The following DLGAP2 variants were observed in gnomAD, a reference collection of about 807,000 sequenced individuals.
DLGAP2 encodes DLG associated protein 2.
DLGAP2 carries 26 observed loss-of-function variants against 100.3 expected under a neutral mutation model. The observed-to-expected ratio is 0.26, with a 90% confidence interval of 0.19 to 0.36. The LOEUF (loss-of-function observed/expected upper bound fraction) is 0.36, where lower values mean the gene tolerates loss of function less well. Ranked by LOEUF, DLGAP2 falls within the 10% of genes least tolerant of loss-of-function variation. DLGAP2 has a pLI of 1.00. For missense variants in DLGAP2, 1,858 were observed against 1,453.2 expected (o/e 1.28, Z -4.53); for synonymous variants, 886 against 630.1 (o/e 1.41, Z -6.08).
chr8:1,011,298 G>A (rs1801276943), intron 2 of DLGAP2, among the ~76,000 whole-genome samples: 1 of 147,856 alleles, frequency 6.8e-6, no homozygotes, highest in African/African-American at 2.5e-5. Context: ...TGGAATGGGG[G>A]GTCTCAGTCT....
At chr8:1,126,455 C>T (rs543014153) in intron 2 of DLGAP2, among the ~76,000 whole-genome samples, 1 of 150,976 alleles carries the variant, frequency 6.6e-6, no homozygotes, top group Admixed American at 6.6e-5. Context: ...AGAAGAGACA[C>T]AGGCAGATGA....
At chr8:1,545,985 A>G (rs928487022) in intron 4 of DLGAP2, among the ~76,000 whole-genome samples, 1 of 152,224 alleles carries the variant, frequency 6.6e-6, no homozygotes, top group Non-Finnish European at 1.5e-5. Context: ...AGATAATAGG[A>G]TGACAACTTT....
chr8:1,531,652 T>C (rs1019203273), intron 4 of DLGAP2, among the ~76,000 whole-genome samples: 1 of 152,152 alleles, frequency 6.6e-6, no homozygotes, highest in Admixed American at 6.5e-5. Flanking sequence ...TATATTTCCT[T>C]TTTTATATTT....
intron 2 of DLGAP2, among the ~76,000 whole-genome samples, chr8:1,201,245 G>A (rs1436284756): frequency 2.0e-5 from 3 of 152,210 alleles, no homozygotes; most frequent in African/African-American, 7.2e-5. Context: ...GCGTGTGATT[G>A]TGGAGGCTGG....
intron 6 of DLGAP2, among the ~76,000 whole-genome samples, chr8:1,595,638 C>T (rs943420747): frequency 3.5e-5 from 5 of 141,346 alleles, no homozygotes; most frequent in African/African-American, 1.3e-4. Context: ...CTGCAGTCCG[C>T]AGTCCCGCCT....
chr8:1,523,984 C>T (rs7826386), intron 4 of DLGAP2, among the ~76,000 whole-genome samples: 102,583 of 152,022 alleles, frequency 0.67, 34,985 homozygotes, highest in South Asian at 0.81. Context: ...TTGGAGACTC[C>T]GCCGCAAGTC....
intron 8 of DLGAP2, among the ~76,000 whole-genome samples, chr8:1,641,489 C>G (rs1032392418): frequency 6.6e-6 from 1 of 152,186 alleles, no homozygotes; most frequent in African/African-American, 2.4e-5. Context: ...AACAAGTGAA[C>G]TTGTCTAGAC....
chr8:1,219,148 C>A (rs752154567), intron 2 of DLGAP2, among the ~76,000 whole-genome samples: 2 of 152,116 alleles, frequency 1.3e-5, no homozygotes, highest in African/African-American at 4.8e-5. Context: ...CAAGGACTTC[C>A]AGTACTATGT....
intron 3 of DLGAP2, among the ~76,000 whole-genome samples, chr8:1,350,162 T>C (rs1801674408): frequency 6.6e-6 from 1 of 152,204 alleles, no homozygotes; most frequent in African/African-American, 2.4e-5. Flanking sequence ...GACTACTTCA[T>C]GCTCTTGTGG....
chr8:1,185,715 ACACACACACACTCACACT>A (rs367831076), intron 2 of DLGAP2, among the ~76,000 whole-genome samples: 6,178 of 99,198 alleles, frequency 0.062, 143 homozygotes, highest in East Asian at 0.18. Context: ...ACACTCACAC[ACACACACACACTCACACT>A]CACACACACA....
chr8:1,128,515 A>T (rs1404555971), intron 2 of DLGAP2, among the ~76,000 whole-genome samples: 3 of 152,232 alleles, frequency 2.0e-5, no homozygotes, highest in Non-Finnish European at 4.4e-5. Flanking sequence ...GCGCGGTCAC[A>T]TGCTGTGTGG....
At chr8:1,442,025 C>A (rs1272986581) in intron 3 of DLGAP2, among the ~76,000 whole-genome samples, 1 of 152,146 alleles carries the variant, frequency 6.6e-6, no homozygotes, top group African/African-American at 2.4e-5. Context: ...TGACCAGTTT[C>A]TAAGGGGAAC....
At chr8:1,022,506 C>T (rs568485956) in intron 2 of DLGAP2, among the ~76,000 whole-genome samples, 2 of 145,738 alleles carry the variant, frequency 1.4e-5, no homozygotes, top group East Asian at 2.1e-4. Flanking sequence ...GGTCCCATGC[C>T]GAGGTAGACA....
chr8:1,329,364 A>T (rs544704766), intron 3 of DLGAP2, among the ~76,000 whole-genome samples: 3 of 152,230 alleles, frequency 2.0e-5, no homozygotes, highest in Non-Finnish European at 4.4e-5. Flanking sequence ...TTTAGAATTC[A>T]TACTCCATTT....
chr8:1,361,881 G>A (rs544725844), intron 3 of DLGAP2, among the ~76,000 whole-genome samples: 5 of 152,296 alleles, frequency 3.3e-5, no homozygotes, highest in African/African-American at 4.8e-5. Context: ...TTTCATTTCC[G>A]CTGGTTCTGT....
At chr8:876,734 T>C (rs1373283420) in intron 1 of DLGAP2, among the ~76,000 whole-genome samples, 1 of 152,180 alleles carries the variant, frequency 6.6e-6, no homozygotes, top group African/African-American at 2.4e-5. Context: ...TTTGCTGCTT[T>C]CTCTTACCTC....
intron 8 of DLGAP2, among the ~76,000 whole-genome samples, chr8:1,638,146 G>T (rs971276848): frequency 2.6e-5 from 4 of 152,168 alleles, no homozygotes; most frequent in African/African-American, 9.7e-5. Context: ...GTCACTGGAG[G>T]ACTCTAAGCA....
At chr8:1,023,734 C>T (rs1243562718) in intron 2 of DLGAP2, among the ~76,000 whole-genome samples, 11 of 152,078 alleles carry the variant, frequency 7.2e-5, no homozygotes, top group Non-Finnish European at 1.5e-4. Context: ...TAGAGTGCAC[C>T]TGTGAGGTCT....
chr8:849,369 T>C (rs547457553), intron 1 of DLGAP2, among the ~76,000 whole-genome samples: 2 of 152,374 alleles, frequency 1.3e-5, no homozygotes, highest in Admixed American at 1.3e-4. Flanking sequence ...TGGAGCTGTT[T>C]CCAGGTTCTG....
Sources: allele counts gnomAD v4.1 joint callset (sites outside exome capture counted in the v4.1 genomes callset), GRCh38; gene constraint gnomAD v4.1.1; transcripts MANE v1.5; gene names NCBI Gene and HGNC (gene_info 2026-07-23, HGNC 2026-07-21).